Variants in KCNH7 observed in about 807,000 individuals in gnomAD.
The protein encoded by KCNH7 is potassium voltage-gated channel subfamily H member 7, also known as voltage-gated inwardly rectifying potassium channel KCNH7.
In KCNH7, 49 loss-of-function variants were observed where a neutral mutation model predicts 120.8. The observed-to-expected ratio is 0.41, with a 90% CI of 0.32 to 0.51. The LOEUF is 0.51. KCNH7 is among the 20% of genes least tolerant of loss of function. KCNH7 has a pLI of 0.38. For missense variants in KCNH7, 1,097 were observed against 1,446.6 expected, an observed-to-expected ratio of 0.76 and a Z score of 3.92; for synonymous variants, 547 against 516.1, an observed-to-expected ratio of 1.06 and a Z score of -0.81.
At chr2:162,752,959 A>AAAAGAAAAGAAAAG (rs1688635991) in intron 2 of KCNH7, among the ~76,000 whole-genome samples, 5 of 113,570 alleles carry the variant, frequency 4.4e-5, no homozygotes, top group African/African-American at 1.1e-4. Flanking sequence ...AAAAGAAAAG[A>AAAAGAAAAGAAAAG]AAAGAAAAGA....
chr2:162,472,017 G>T (rs1014182424), intron 6 of KCNH7, among the ~76,000 whole-genome samples: 1 of 152,144 alleles, frequency 6.6e-6, no homozygotes, highest in Non-Finnish European at 1.5e-5. Context: ...AATGGTGCTG[G>T]GAAAACTGGC....
intron 2 of KCNH7, among the ~76,000 whole-genome samples, chr2:162,579,988 G>C (rs953215019): frequency 1.3e-5 from 2 of 151,984 alleles, no homozygotes; most frequent in African/African-American, 4.8e-5. Flanking sequence ...CTCCTGAATA[G>C]CTGTTGCTAG....
chr2:162,674,116 T>C (rs562109677), intron 2 of KCNH7, among the ~76,000 whole-genome samples: 191 of 151,956 alleles, frequency 1.3e-3, no homozygotes, highest in African/African-American at 4.1e-3. Flanking sequence ...GACACATTTA[T>C]ATACAAGGAA....
Position 162,623,082 on chromosome 2 carries a change from C to T in KCNH7, c.308-86002G>A, listed in dbSNP as rs1683422328. On this transcript the variant is annotated intron_variant, in intron 2 of 15. Transcript: ENST00000332142. ...TTTAGACAGATTTTATGCTCAAAAA[C>T]AGTCACAAGGTGGTTTTGAGAATTT... Among the ~76,000 whole-genome samples the T allele has an allele frequency of 2.6e-5, 4 of 152,252 alleles. No homozygotes were observed. In the South Asian group the frequency reaches 8.3e-4, roughly 32 times the overall value.
At chr2:162,424,220 A>G (rs970364111) in intron 8 of KCNH7, among the ~76,000 whole-genome samples, 2 of 152,164 alleles carry the variant, frequency 1.3e-5, no homozygotes, top group South Asian at 2.1e-4. Context: ...TAGGGAAAAA[A>G]TAGAACACAT....
intron 9 of KCNH7, among the ~76,000 whole-genome samples, chr2:162,403,200 A>G: frequency 6.6e-6 from 1 of 152,022 alleles, no homozygotes. Flanking sequence ...TTTAGTTAGG[A>G]ATAGAAAGCC....
intron 2 of KCNH7, among the ~76,000 whole-genome samples, chr2:162,804,685 C>T (rs553137519): frequency 2.8e-4 from 42 of 151,284 alleles, no homozygotes; most frequent in African/African-American, 8.7e-4. Context: ...AAACCATCCA[C>T]AGAGTCAATG....
intron 6 of KCNH7, among the ~76,000 whole-genome samples, chr2:162,479,472 C>A (rs1689853581): frequency 6.6e-6 from 1 of 152,070 alleles, no homozygotes; most frequent in South Asian, 2.1e-4. Context: ...ACTGAATGAG[C>A]AATTGGCTTT....
chr2:162,763,728 A>AGTGTGT (rs72350942), intron 2 of KCNH7, among the ~76,000 whole-genome samples: 72 of 139,326 alleles, frequency 5.2e-4, no homozygotes, highest in African/African-American at 1.6e-3. Flanking sequence ...AGGCATTTGC[A>AGTGTGT]GTGTGTGTGT....
chr2:162,524,819 A>G (rs376091620), intron 3 of KCNH7, among the ~76,000 whole-genome samples: 10 of 152,052 alleles, frequency 6.6e-5, no homozygotes, highest in Non-Finnish European at 1.5e-4. Flanking sequence ...CTGCAAGGAC[A>G]TGAGTCTCTC....
chr2:162,626,732 A>G (rs984213784), intron 2 of KCNH7, among the ~76,000 whole-genome samples: 3 of 152,172 alleles, frequency 2.0e-5, no homozygotes, highest in Non-Finnish European at 2.9e-5. Flanking sequence ...TACCTAGGTA[A>G]CACAGGGTTT....
chr2:162,514,732 G>T (rs1691222827), intron 4 of KCNH7, among the ~76,000 whole-genome samples: 1 of 151,690 alleles, frequency 6.6e-6, no homozygotes, highest in Non-Finnish European at 1.5e-5. Context: ...ATTGGTCAGT[G>T]ATGAATTAGA....
chr2:162,732,028 T>C (rs573523575), intron 2 of KCNH7, among the ~76,000 whole-genome samples: 5 of 152,278 alleles, frequency 3.3e-5, no homozygotes, highest in African/African-American at 1.2e-4. Context: ...AGTAAGCAAC[T>C]ACAGACACTA....
chr2:162,652,082 GA>G (rs1005685516), intron 2 of KCNH7, among the ~76,000 whole-genome samples: 31 of 151,998 alleles, frequency 2.0e-4, no homozygotes, highest in African/African-American at 6.8e-4. Flanking sequence ...GGATATTAAA[GA>G]AAAATGTTTT....
intron 6 of KCNH7, among the ~76,000 whole-genome samples, chr2:162,488,954 GAT>G (rs1374890432): frequency 6.6e-6 from 1 of 152,154 alleles, no homozygotes; most frequent in East Asian, 1.9e-4. Context: ...ATTTCATATA[GAT>G]ATGTTATTCC....
At chr2:162,476,947 A>C (rs1197728569) in intron 6 of KCNH7, among the ~76,000 whole-genome samples, 1 of 152,246 alleles carries the variant, frequency 6.6e-6, no homozygotes, top group Admixed American at 6.5e-5. Flanking sequence ...AGTCAGGAGC[A>C]GAAGTTGTAG....
At chr2:162,429,613 C>T (rs748239970) in intron 8 of KCNH7, among the ~76,000 whole-genome samples, 7 of 150,974 alleles carry the variant, frequency 4.6e-5, no homozygotes, top group Non-Finnish European at 8.9e-5. Flanking sequence ...AGCAATATAA[C>T]GATTTTGTTC....
intron 2 of KCNH7, among the ~76,000 whole-genome samples, chr2:162,626,522 C>A (rs542790317): frequency 3.9e-5 from 6 of 152,124 alleles, no homozygotes; most frequent in African/African-American, 1.4e-4. Flanking sequence ...ATTTTACCTG[C>A]AAAAATAAAT....
intron 6 of KCNH7, among the ~76,000 whole-genome samples, chr2:162,477,318 G>A (rs1051533829): frequency 1.1e-4 from 17 of 152,320 alleles, no homozygotes; most frequent in South Asian, 6.2e-4. Context: ...CAACTGCCAA[G>A]GGGCAGGGAG....
Sources: allele counts gnomAD v4.1 joint callset (sites outside exome capture counted in the v4.1 genomes callset), GRCh38; gene constraint gnomAD v4.1.1; transcripts MANE v1.5; gene names NCBI Gene and HGNC (gene_info 2026-07-23, HGNC 2026-07-21).